SEMA3E: variants seen among roughly 807,000 people sequenced by gnomAD.
SEMA3E encodes the protein semaphorin 3E.
In SEMA3E, 49 loss-of-function variants were observed where a neutral mutation model predicts 93.6. The observed-to-expected ratio is 0.52, with a 90% CI of 0.42 to 0.66. The LOEUF is 0.66. Ranked by LOEUF, SEMA3E falls within the 30% of genes least tolerant of loss-of-function variation. SEMA3E has a pLI of 0.00. For missense variants in SEMA3E, 906 were observed against 964.8 expected (o/e 0.94, Z 0.81); for synonymous variants, 363 against 330.7 (o/e 1.10, Z -1.06).
At chr7:83,483,389 G>T (rs1335867763) in intron 2 of SEMA3E, among the ~76,000 whole-genome samples, 2 of 152,064 alleles carry the variant, frequency 1.3e-5, no homozygotes, top group African/African-American at 4.8e-5. Flanking sequence ...AATAAATAAG[G>T]TATGTGTCAT....
At chr7:83,481,656 G>A (rs1307286461) in intron 2 of SEMA3E, among the ~76,000 whole-genome samples, 4 of 152,126 alleles carry the variant, frequency 2.6e-5, no homozygotes, top group African/African-American at 7.2e-5. Context: ...GGTCTTTAAT[G>A]AATGTTATAT....
chr7:83,396,041 A>ATGTGTGTGTGTGTGTGTG lies in SEMA3E; in HGVS notation c.1458+579_1458+596dup, dbSNP rs3043167. Among the ~76,000 whole-genome samples the ATGTGTGTGTGTGTGTGTG allele has an allele frequency of 3.4e-5, 5 of 149,122 alleles. No individual in the cohort carries two copies. In the South Asian group the frequency reaches 1.1e-3, roughly 33 times the overall value. On this transcript the variant is annotated intron_variant, in intron 12 of 16. Transcript: ENST00000643230. The stretch of plus-strand genomic sequence containing the variant: ...AAACTGCTGCAAATGATACGACTTG[A>ATGTGTGTGTGTGTGTGTG]TGTGTGTGTGTGTGTGTGTGTGTGT...
Position 83,449,048 on chromosome 7 carries a change from G to A in SEMA3E, c.456+17434C>T, listed in dbSNP as rs182078359. ...AACATATAACTTACAGTTTAGGTTT[G>A]AATTTTTATACAATTAAATTTTAAG... On this transcript the variant is annotated intron_variant, in intron 4 of 16. Coordinates refer to ENST00000643230, the MANE Select transcript of SEMA3E (RefSeq NM_012431.3). 1.7e-3 allele frequency among the ~76,000 whole-genome samples: 251 copies of A among 151,586 alleles called. 1 individual carries two copies. Among genetic ancestry groups the A allele is most frequent in the Non-Finnish European group, 2.9e-3 (194 of 67,808 alleles).
chr7:83,432,282 T>C (rs1788900838), intron 4 of SEMA3E, among the ~76,000 whole-genome samples: 1 of 152,060 alleles, frequency 6.6e-6, no homozygotes, highest in Non-Finnish European at 1.5e-5. Context: ...GTTTTTTTTT[T>C]TGTTGTGTGG....
intron 4 of SEMA3E, among the ~76,000 whole-genome samples, chr7:83,454,203 A>C (rs1440131438): frequency 9.2e-5 from 13 of 141,996 alleles, no homozygotes; most frequent in African/African-American, 3.3e-4. Context: ...GCTTGCAGTG[A>C]GCCGAGATGG....
intron 1 of SEMA3E, among the ~76,000 whole-genome samples, chr7:83,557,209 C>T (rs1269449887): frequency 6.6e-6 from 1 of 151,666 alleles, no homozygotes; most frequent in Admixed American, 6.6e-5. Context: ...ATTTATGTAA[C>T]AAGTATGTTT....
At chr7:83,559,497 A>G (rs894306402) in intron 1 of SEMA3E, among the ~76,000 whole-genome samples, 10 of 152,072 alleles carry the variant, frequency 6.6e-5, no homozygotes, top group Non-Finnish European at 1.0e-4. Flanking sequence ...GTCACTAGGG[A>G]AATGCAAACT....
intron 4 of SEMA3E, among the ~76,000 whole-genome samples, chr7:83,419,888 T>A (rs1788639134): frequency 6.6e-6 from 1 of 152,080 alleles, no homozygotes; most frequent in Non-Finnish European, 1.5e-5. Flanking sequence ...GCTGGAAGCA[T>A]TCCCCTTAAG....
At chr7:83,464,617 T>A (rs1462092074) in intron 4 of SEMA3E, among the ~76,000 whole-genome samples, 2 of 145,878 alleles carry the variant, frequency 1.4e-5, no homozygotes, top group Non-Finnish European at 3.0e-5. Flanking sequence ...TAGTCCCAAT[T>A]CTTAGACCTT....
intron 2 of SEMA3E, among the ~76,000 whole-genome samples, chr7:83,472,339 T>G (rs1208809744): frequency 6.6e-6 from 1 of 152,188 alleles, no homozygotes; most frequent in African/African-American, 2.4e-5. Flanking sequence ...TTTTGGGAGT[T>G]TCTTTTAAAA....
At chr7:83,448,773 G>T (rs546858241) in intron 4 of SEMA3E, among the ~76,000 whole-genome samples, 2 of 152,116 alleles carry the variant, frequency 1.3e-5, no homozygotes, top group Non-Finnish European at 2.9e-5. Flanking sequence ...ATAAGGAAAA[G>T]AAATCATCTG....
At chr7:83,392,075 T>A (rs1016384592) in intron 14 of SEMA3E, among the ~76,000 whole-genome samples, 2 of 152,122 alleles carry the variant, frequency 1.3e-5, no homozygotes, top group African/African-American at 4.8e-5. Context: ...CTCACAGAAT[T>A]GTAGGCATTG....
chr7:83,409,520 A>T (rs1329638164), intron 5 of SEMA3E, among the ~76,000 whole-genome samples: 1 of 152,160 alleles, frequency 6.6e-6, no homozygotes, highest in Non-Finnish European at 1.5e-5. Flanking sequence ...TCTAGTTCTA[A>T]AACAGATATG....
chr7:83,431,286 A>C (rs1175181603), intron 4 of SEMA3E, among the ~76,000 whole-genome samples: 1 of 151,878 alleles, frequency 6.6e-6, no homozygotes, highest in Non-Finnish European at 1.5e-5. Flanking sequence ...GTCTCTCTGT[A>C]TCTGAAATGT....
intron 1 of SEMA3E, among the ~76,000 whole-genome samples, chr7:83,547,022 C>G (rs1298794849): frequency 6.6e-6 from 1 of 152,020 alleles, no homozygotes; most frequent in Admixed American, 6.6e-5. Flanking sequence ...CAATGATAAG[C>G]AAGGCTGAGA....
intron 1 of SEMA3E, among the ~76,000 whole-genome samples, chr7:83,549,152 T>G (rs959773991): frequency 5.9e-5 from 9 of 152,182 alleles, no homozygotes; most frequent in South Asian, 2.1e-4. Context: ...GAAAACTCAA[T>G]TTTTGAGTTA....
In SEMA3E at chr7:83,448,845, G is replaced by A. The variant is rs546326500; in HGVS notation, c.456+17637C>T. On this transcript the variant is annotated intron_variant, in intron 4 of 16. Transcript: ENST00000643230. ...TAGGATAACATTAAGTTTTTGGTAT[G>A]AGAGACAAAAGTTCATACATAGAAA... 2.6e-5 allele frequency among the ~76,000 whole-genome samples: 4 copies of A among 152,218 alleles called. No homozygotes were observed. In the South Asian group the frequency reaches 8.3e-4, roughly 32 times the overall value.
chr7:83,633,824 A>T (rs1793831725), intron 1 of SEMA3E, among the ~76,000 whole-genome samples: 1 of 152,164 alleles, frequency 6.6e-6, no homozygotes, highest in Non-Finnish European at 1.5e-5. Context: ...GTGTGAGTGG[A>T]AACTTGGAGC....
intron 1 of SEMA3E, among the ~76,000 whole-genome samples, chr7:83,641,951 G>A (rs1024128688): frequency 6.6e-6 from 1 of 152,128 alleles, no homozygotes; most frequent in Non-Finnish European, 1.5e-5. Context: ...ATAAGAAAAT[G>A]CATATTCAGA....
Sources: gnomAD v4.1 joint callset for allele counts (sites outside exome capture counted in the v4.1 genomes callset) on GRCh38, gnomAD v4.1.1 for gene constraint, MANE v1.5 for transcripts, NCBI Gene and HGNC (gene_info 2026-07-23, HGNC 2026-07-21) for gene names.